Variants in C1QTNF3 observed in about 807,000 individuals in gnomAD.
The protein encoded by C1QTNF3 is complement C1q tumor necrosis factor-related protein 3.
C1QTNF3 carries 26 observed loss-of-function variants against 32.6 expected under a neutral mutation model. The observed-to-expected ratio is 0.80, with a 90% CI of 0.58 to 1.11. The LOEUF is 1.11. Ranked by LOEUF, C1QTNF3 falls within the 50% of genes least tolerant of loss-of-function variation. The probability of loss-of-function intolerance (pLI) is 0.00; values close to 1 mark genes in which losing one functional copy is unlikely to be tolerated. For missense variants in C1QTNF3, 362 were observed against 398.2 expected (o/e 0.91, Z 0.77); for synonymous variants, 155 against 146.0 (o/e 1.06, Z -0.44).
chr5:34,211,937 C>A, the C1QTNF3 span, among the ~76,000 whole-genome samples: 3 of 152,120 alleles, frequency 2.0e-5, no homozygotes, highest in African/African-American at 7.2e-5. Flanking sequence ...AAAGAGCCCG[C>A]ATCGCCAAGT....
chr5:34,193,920 T>A, the C1QTNF3 span, among the ~76,000 whole-genome samples: 1 of 152,308 alleles, frequency 6.6e-6, no homozygotes, highest in South Asian at 2.1e-4. Flanking sequence ...TTAGGGGCTA[T>A]TTATTTACTT....
the C1QTNF3 span, among the ~76,000 whole-genome samples, chr5:34,065,489 A>ACC: frequency 6.6e-6 from 1 of 152,194 alleles, no homozygotes; most frequent in African/African-American, 2.4e-5. Context: ...CAACAAGGTG[A>ACC]AACCCCATCT....
the C1QTNF3 span, among the ~76,000 whole-genome samples, chr5:34,087,570 C>CTT: frequency 7.0e-4 from 49 of 70,030 alleles, no homozygotes; most frequent in East Asian, 8.8e-4. Flanking sequence ...ACGCTTTTGT[C>CTT]TTTTTTTTTT....
the C1QTNF3 span, among the ~76,000 whole-genome samples, chr5:34,176,631 C>G: frequency 3.3e-5 from 5 of 152,108 alleles, no homozygotes; most frequent in Admixed American, 6.6e-5. Context: ...GTCTGTCATC[C>G]AAGCACTTTG....
chr5:34,108,107 T>C, the C1QTNF3 span, among the ~76,000 whole-genome samples: 1 of 152,184 alleles, frequency 6.6e-6, no homozygotes, highest in Non-Finnish European at 1.5e-5. Context: ...ACTAGAAATC[T>C]ATTTCACTAC....
chr5:34,164,289 TG>T, the C1QTNF3 span, among the ~76,000 whole-genome samples: 1 of 152,226 alleles, frequency 6.6e-6, no homozygotes, highest in Middle Eastern at 3.4e-3. Context: ...AAATGATCAA[TG>T]GTACGAGATA....
chr5:34,217,251 T>G, the C1QTNF3 span, among the ~76,000 whole-genome samples: 2 of 152,146 alleles, frequency 1.3e-5, no homozygotes, highest in Admixed American at 1.3e-4. Context: ...ACTATTAGGT[T>G]GGTACAAAAG....
the C1QTNF3 span, among the ~76,000 whole-genome samples, chr5:34,067,085 G>A: frequency 6.6e-6 from 1 of 152,168 alleles, no homozygotes; most frequent in Non-Finnish European, 1.5e-5. Context: ...CATAACAAGA[G>A]TCACATTTGC....
At chr5:34,024,387 GGTT>G (rs1754412562) in intron 4 of C1QTNF3, 1 of 183,432 alleles carries the variant, frequency 5.5e-6, no homozygotes, top group Non-Finnish European at 1.2e-5. Context: ...AGATGTTTGT[GGTT>G]GAACAACGAT....
chr5:34,046,728 A>G (rs1754991662), upstream of C1QTNF3, among the ~76,000 whole-genome samples: 1 of 152,182 alleles, frequency 6.6e-6, no homozygotes, highest in Admixed American at 6.5e-5. Context: ...AATAGGGAGA[A>G]CATGTATGAA....
the C1QTNF3 span, among the ~76,000 whole-genome samples, chr5:34,138,588 T>C: frequency 3.3e-5 from 5 of 152,146 alleles, no homozygotes; most frequent in Non-Finnish European, 5.9e-5. Flanking sequence ...TTGAATTCTA[T>C]GATGTTGGCA....
chr5:34,060,909 A>G, the C1QTNF3 span, among the ~76,000 whole-genome samples: 1 of 152,152 alleles, frequency 6.6e-6, no homozygotes, highest in Non-Finnish European at 1.5e-5. Context: ...ATGCCTTGCC[A>G]ACAGTCCCCC....
At chr5:34,160,894 AC>A in the C1QTNF3 span, among the ~76,000 whole-genome samples, 1 of 152,186 alleles carries the variant, frequency 6.6e-6, no homozygotes, top group Non-Finnish European at 1.5e-5. Flanking sequence ...GAAAAAAAAA[AC>A]CTTTTATATT....
the C1QTNF3 span, among the ~76,000 whole-genome samples, chr5:34,239,111 C>T: frequency 6.6e-6 from 1 of 152,118 alleles, no homozygotes; most frequent in African/African-American, 2.4e-5. Context: ...TCAATTTCAA[C>T]TTGACCAGCC....
At chr5:34,031,457 C>A (rs1192232470) in intron 3 of C1QTNF3, among the ~76,000 whole-genome samples, 1 of 152,136 alleles carries the variant, frequency 6.6e-6, no homozygotes, top group African/African-American at 2.4e-5. Flanking sequence ...TTATTAAATA[C>A]CTTAACCTGG....
At chr5:34,115,658 G>A in the C1QTNF3 span, among the ~76,000 whole-genome samples, 2,129 of 151,864 alleles carry the variant, frequency 0.014, 53 homozygotes, top group African/African-American at 0.05. Flanking sequence ...GTGAACCCGG[G>A]AGGCGAAGCT....
chr5:34,043,890 G>T (rs999566734), upstream of C1QTNF3: 1 of 152,194 alleles, frequency 6.6e-6, no homozygotes, highest in African/African-American at 2.4e-5. Flanking sequence ...ACCCTGCTTT[G>T]TGTTAAGAGA....
chr5:34,033,610 T>C (rs1445869484), intron 2 of C1QTNF3, 152 bp from the exon 3 acceptor site: 5 of 938,290 alleles, frequency 5.3e-6, no homozygotes, highest in Non-Finnish European at 4.8e-6. Flanking sequence ...AATAGGGCAA[T>C]AGGCTCTGAA....
rs978826321 is a variant in C1QTNF3 at position 34,018,661 on chromosome 5, C to T, written c.*1922G>A. Reference sequence around the variant, plus strand: ...TTGACTTCAGCTTTTATTCATGATACAATCAATAAAATTCCTTCAATATAA... The same window carrying T: ...TTGACTTCAGCTTTTATTCATGATATAATCAATAAAATTCCTTCAATATAA... On this transcript the variant is annotated 3_prime_UTR_variant, in exon 6 of 6. Coordinates refer to ENST00000382065, the MANE Select transcript of C1QTNF3 (RefSeq NM_181435.6). Among the ~76,000 whole-genome samples, 1 of 152,132 alleles carries T rather than the reference C, an allele frequency of 6.6e-6. No homozygotes were observed. The highest frequency in any genetic ancestry group is 1.5e-5 in the Non-Finnish European group (1 of 68,024).
Sources: gnomAD v4.1 joint callset for allele counts (sites outside exome capture counted in the v4.1 genomes callset) on GRCh38, gnomAD v4.1.1 for gene constraint, MANE v1.5 for transcripts, NCBI Gene and HGNC (gene_info 2026-07-23, HGNC 2026-07-21) for gene names.